ABLIM3: variants seen among roughly 807,000 people sequenced by gnomAD.
ABLIM3 encodes actin-binding LIM protein 3.
A neutral mutation model predicts 109.5 loss-of-function variants in ABLIM3; 61 were observed. That is an observed-to-expected ratio of 0.56 (90% confidence interval 0.45 to 0.69). ABLIM3 has a LOEUF of 0.69. Among genes scored for constraint, ABLIM3 ranks in the 30% least tolerant of loss-of-function variants. The pLI, the probability that ABLIM3 is intolerant of heterozygous loss-of-function variation, is 0.00. For synonymous variants in ABLIM3, 300 were observed against 324.8 expected, an observed-to-expected ratio of 0.92 and a Z score of 0.82; for missense variants, 796 against 889.5, an observed-to-expected ratio of 0.89 and a Z score of 1.34.
intron 6 of ABLIM3, among the ~76,000 whole-genome samples, chr5:149,210,068 T>C (rs1190383686): frequency 6.6e-6 from 1 of 152,208 alleles, no homozygotes; most frequent in Non-Finnish European, 1.5e-5. Flanking sequence ...CAACTATCTC[T>C]ACCTCAGTCC....
intron 9 of ABLIM3, among the ~76,000 whole-genome samples, chr5:149,232,248 G>A (rs1372599885): frequency 6.6e-6 from 1 of 152,248 alleles, no homozygotes; most frequent in African/African-American, 2.4e-5. Context: ...AGAGGTTGCA[G>A]TGAGTCAAAA....
At chr5:149,142,142 CAG>C (rs1752516128) in intron 2 of ABLIM3, 34 bp downstream of exon 2, 1 of 1,588,594 alleles carries the variant, frequency 6.3e-7, no homozygotes, top group Non-Finnish European at 8.6e-7. Context: ...GCCATGGGAA[CAG>C]GGGTGGGGGC....
chr5:149,216,893 C>A, intron 7 of ABLIM3, 66 bp from the exon 8 acceptor site: 1 of 1,416,082 alleles, frequency 7.1e-7, no homozygotes, highest in South Asian at 1.2e-5. Flanking sequence ...AAGATTCAAA[C>A]CCAATCTGCC....
chr5:149,213,305 G>A (rs1313370534), intron 7 of ABLIM3, among the ~76,000 whole-genome samples: 1 of 152,172 alleles, frequency 6.6e-6, no homozygotes, highest in Non-Finnish European at 1.5e-5. Context: ...TGCTCACAGT[G>A]AAAGCGACTC....
At chr5:149,162,236 A>G (rs906731470) in intron 2 of ABLIM3, among the ~76,000 whole-genome samples, 6 of 152,184 alleles carry the variant, frequency 3.9e-5, no homozygotes, top group Admixed American at 3.9e-4. Flanking sequence ...GTTTCTTTCA[A>G]TCATTAAAAT....
chr5:149,187,078 A>G (rs1312816534), intron 3 of ABLIM3, among the ~76,000 whole-genome samples: 2 of 152,198 alleles, frequency 1.3e-5, no homozygotes, highest in Non-Finnish European at 2.9e-5. Flanking sequence ...ATAAAAAAGA[A>G]GCTAATATAT....
At chr5:149,201,084 C>T (rs1339342795) in intron 5 of ABLIM3, among the ~76,000 whole-genome samples, 1 of 152,126 alleles carries the variant, frequency 6.6e-6, no homozygotes, top group East Asian at 1.9e-4. Context: ...GTTTTATCAC[C>T]AACCACAGAT....
At chr5:149,230,568 G>A (rs764948718) in intron 8 of ABLIM3, 81 bp from the exon 9 acceptor site, 21 of 1,465,310 alleles carry the variant, frequency 1.4e-5, no homozygotes, top group Admixed American at 6.7e-5. Flanking sequence ...CGCTGACCAC[G>A]GAGTGAATCA....
chr5:149,218,344 C>A (rs1429403405), intron 8 of ABLIM3: 1 of 152,210 alleles, frequency 6.6e-6, no homozygotes. Flanking sequence ...GGACACTGGT[C>A]CATGACCTAA....
In ABLIM3 at chr5:149,246,509, G is replaced by C. The variant is rs1056996727; in HGVS notation, c.1514G>C (p.Gly505Ala). The C allele has an allele frequency of 5.0e-6, 8 of 1,614,156 alleles. No homozygotes were observed. Among genetic ancestry groups the C allele is most frequent in the Non-Finnish European group, 5.1e-6 (6 of 1,180,036 alleles). ...KVPRARRFSS[G>A]GEEDDFDRSM... is the part of the protein sequence containing the mutation. ...CCCCGAGCCAGAAGGTTCTCGTCTG[G>C]AGGAGAGGAGGATGATTTTGACCGC... Residue 505 changes from glycine (G) to alanine (A), a missense_variant, in exon 17 of 24, where the codon GGA (glycine) becomes GCA (alanine). Coordinates refer to ENST00000309868, the MANE Select transcript of ABLIM3 (RefSeq NM_014945.5).
At chr5:149,245,887 G>A (rs1421537076) in intron 16 of ABLIM3, among the ~76,000 whole-genome samples, 1 of 152,216 alleles carries the variant, frequency 6.6e-6, no homozygotes, top group East Asian at 1.9e-4. Flanking sequence ...TTGGTGCTGG[G>A]CACAGTGGCT....
At chr5:149,170,526 G>T (rs1352497649) in intron 2 of ABLIM3, among the ~76,000 whole-genome samples, 1 of 152,110 alleles carries the variant, frequency 6.6e-6, no homozygotes, top group East Asian at 1.9e-4. Flanking sequence ...CCATGGAGTG[G>T]TTTCCCTACA....
intron 2 of ABLIM3, among the ~76,000 whole-genome samples, chr5:149,159,870 C>T (rs1347631768): frequency 6.6e-6 from 1 of 152,194 alleles, no homozygotes; most frequent in Non-Finnish European, 1.5e-5. Flanking sequence ...TGCTTTCTAG[C>T]CTCTGGACCC....
At chr5:149,187,462 G>A (rs540512218) in intron 3 of ABLIM3, among the ~76,000 whole-genome samples, 106 of 152,240 alleles carry the variant, frequency 7.0e-4, no homozygotes, top group African/African-American at 2.3e-3. Context: ...TAACTGTCAA[G>A]GAAAGATTAT....
intron 18 of ABLIM3, among the ~76,000 whole-genome samples, chr5:149,248,689 CAAAAAAAA>C (rs10659679): frequency 3.2e-4 from 25 of 78,990 alleles, no homozygotes; most frequent in African/African-American, 1.3e-3. Context: ...GACTCTCTCT[CAAAAAAAA>C]AAAAAAAAAA....
chr5:149,143,246 C>G (rs1280931414), intron 2 of ABLIM3, among the ~76,000 whole-genome samples: 1 of 151,764 alleles, frequency 6.6e-6, no homozygotes, highest in Non-Finnish European at 1.5e-5. Flanking sequence ...GCCTGTAATC[C>G]CAGCTACTCA....
At chr5:149,168,499 C>A (rs1489514385) in intron 2 of ABLIM3, among the ~76,000 whole-genome samples, 1 of 152,152 alleles carries the variant, frequency 6.6e-6, no homozygotes, top group East Asian at 1.9e-4. Context: ...GCCAGCATAG[C>A]CACCTGTGTT....
chr5:149,148,157 A>T (rs1753098985), intron 2 of ABLIM3, among the ~76,000 whole-genome samples: 1 of 152,232 alleles, frequency 6.6e-6, no homozygotes, highest in African/African-American at 2.4e-5. Context: ...CAAAAACAAG[A>T]GCATGCTTAG....
At chr5:149,190,303 A>G (rs1052494863) in intron 3 of ABLIM3, among the ~76,000 whole-genome samples, 20 of 152,360 alleles carry the variant, frequency 1.3e-4, no homozygotes, top group African/African-American at 4.1e-4. Flanking sequence ...TGATTGCACA[A>G]CTTTGTGAAT....
Sources: gnomAD v4.1 joint callset for allele counts (sites outside exome capture counted in the v4.1 genomes callset) on GRCh38, gnomAD v4.1.1 for gene constraint, MANE v1.5 for transcripts, NCBI Gene and HGNC (gene_info 2026-07-23, HGNC 2026-07-21) for gene names.